ZBTB34: variants seen among roughly 807,000 people sequenced by gnomAD.
ZBTB34 encodes zinc finger and BTB domain-containing protein 34.
In ZBTB34, 1 loss-of-function variant was observed where a neutral mutation model predicts 33.4. The ratio of observed to expected loss-of-function variants is 0.03; its 90% CI spans 0.01 to 0.14. ZBTB34 has a LOEUF of 0.14. ZBTB34 is among the 10% of genes least tolerant of loss of function. The pLI, the probability that ZBTB34 is intolerant of heterozygous loss-of-function variation, is 1.00. For missense variants in ZBTB34, 406 were observed against 657.2 expected, an observed-to-expected ratio of 0.62 and a Z score of 4.18; for synonymous variants, 283 against 253.5, an observed-to-expected ratio of 1.12 and a Z score of -1.11.
chr9:126,881,296 C>T (rs990726653), exon 2 of ZBTB34: 6 of 174,042 alleles, frequency 3.4e-5, no homozygotes, highest in East Asian at 3.6e-4. Context: ...ATTAGGATGC[C>T]GTCAGCTGAT....
chr9:126,862,149 C>G (rs574345498), intron 1 of ZBTB34, among the ~76,000 whole-genome samples: 1 of 151,992 alleles, frequency 6.6e-6, no homozygotes, highest in South Asian at 2.1e-4. Flanking sequence ...GGATTTGAGC[C>G]GGGTGTTAAA....
rs1418274241 is a variant in ZBTB34 at position 126,880,334 on chromosome 9, C to G, written c.935C>G (p.Ser312Cys). ...GGAAGTTTGAGTAATTCCAGCCCAT[C>G]CAGGTCCATGCTGAGCTGTTTCCGA... The change falls in exon 2 of 2, where the codon TCC becomes TGC. Residue 312 changes from serine to cysteine, a missense_variant. Ser to Cys is a moderately radical substitution (Grantham distance 112). This residue lies in a region of ZBTB34 where 123 missense variants were observed against 140.4 expected (regional missense o/e 0.88). Transcript: ENST00000319119. This position sits in a 1 kb window ranked among gnomAD's most constrained non-coding sequence, Gnocchi z 6.7. The G allele has an allele frequency of 4.3e-6, 7 of 1,613,992 alleles. No individual in the cohort carries two copies. The South Asian group carries it at 5.5e-5, about 13-fold the overall frequency.
At chr9:126,875,109 G>C (rs1034465295) in intron 1 of ZBTB34, among the ~76,000 whole-genome samples, 1 of 152,206 alleles carries the variant, frequency 6.6e-6, no homozygotes, top group African/African-American at 2.4e-5. Flanking sequence ...TTGAGCGCAT[G>C]GAATGTGGTT....
intron 1 of ZBTB34, among the ~76,000 whole-genome samples, chr9:126,870,898 G>A (rs1167457515): frequency 6.6e-6 from 1 of 151,862 alleles, no homozygotes; most frequent in African/African-American, 2.4e-5. Context: ...CTGCACTCCA[G>A]CCTGGGCCAC....
chr9:126,872,284 G>A (rs890182537), intron 1 of ZBTB34, among the ~76,000 whole-genome samples: 2 of 152,202 alleles, frequency 1.3e-5, no homozygotes, highest in Admixed American at 6.5e-5. Context: ...GGGCACGGTG[G>A]TGCGTGCCTA....
At chr9:126,872,088 A>T (rs2033287223) in intron 1 of ZBTB34, among the ~76,000 whole-genome samples, 1 of 151,922 alleles carries the variant, frequency 6.6e-6, no homozygotes. Flanking sequence ...CTGGGATTAC[A>T]GACGCCTGCT....
chr9:126,874,347 G>T (rs1298324939), intron 1 of ZBTB34, among the ~76,000 whole-genome samples: 2 of 152,044 alleles, frequency 1.3e-5, no homozygotes, highest in Non-Finnish European at 2.9e-5. Flanking sequence ...ACCACGCCCG[G>T]CCTCTGCTAT....
At chr9:126,875,783 CT>C (rs1419877276) in intron 1 of ZBTB34, among the ~76,000 whole-genome samples, 2 of 152,028 alleles carry the variant, frequency 1.3e-5, no homozygotes, top group Non-Finnish European at 2.9e-5. Flanking sequence ...GGCTACTTGC[CT>C]TAATGTTACT....
intron 1 of ZBTB34, among the ~76,000 whole-genome samples, chr9:126,878,434 C>T (rs1382385927): frequency 6.6e-6 from 1 of 151,322 alleles, no homozygotes; most frequent in Non-Finnish European, 1.5e-5. Context: ...CACGCCACTG[C>T]ACTCCAGCCT....
intron 1 of ZBTB34, chr9:126,863,800 G>A (rs1335161783): frequency 1.3e-6 from 1 of 748,738 alleles, no homozygotes; most frequent in Non-Finnish European, 1.6e-6. Flanking sequence ...CCAGCAGTAA[G>A]CAGATAAGAT....
exon 2 of ZBTB34, chr9:126,885,068 T>C (rs965093223): frequency 6.0e-6 from 1 of 167,132 alleles, no homozygotes; most frequent in Non-Finnish European, 1.5e-5. Context: ...TTCATATTAC[T>C]CAGTGCAACT....
chr9:126,866,157 A>G lies in ZBTB34; in HGVS notation c.-11+5418A>G, dbSNP rs959796033. Among the ~76,000 whole-genome samples the G allele has an allele frequency of 4.7e-5, 7 of 150,106 alleles. 1 individual carries two copies. Among genetic ancestry groups the G allele is most frequent in the Admixed American group, 3.3e-4 (5 of 15,114 alleles). On this transcript the variant is annotated intron_variant, in intron 1 of 1. Coordinates refer to ENST00000319119, the Ensembl canonical transcript of ZBTB34. ...TTCCCTCCCCGAGTAACCTCATTTTACCAAAACGATCCTCAGTCAGTACAC... is the reference window on the plus strand; with the variant it reads ...TTCCCTCCCCGAGTAACCTCATTTTGCCAAAACGATCCTCAGTCAGTACAC...
At chr9:126,876,889 G>A (rs570322797) in intron 1 of ZBTB34, among the ~76,000 whole-genome samples, 32 of 152,192 alleles carry the variant, frequency 2.1e-4, no homozygotes, top group African/African-American at 7.7e-4. Context: ...CTCAAATTTC[G>A]ATGTGATAAA....
rs1430085033 is a variant in ZBTB34, at chr9:126,880,903, G to A, written c.1504G>A (p.Ala502Thr). Residue 502 changes from alanine to threonine, a missense_variant, in exon 2 of 2, where the codon GCT (alanine) becomes ACT (threonine). Physicochemically the swap from Ala to Thr is moderately conservative, Grantham distance 58 (BLOSUM62 0). Transcript: ENST00000319119. This position sits in a 1 kb window ranked among gnomAD's most constrained non-coding sequence, Gnocchi z 6.7. ...GATGGAAATTCACACAGTGTCTGAT[G>A]CTCCCGATTAAGATGGTAAAGAAGT... 1.2e-6 allele frequency: 2 copies of A among 1,608,934 alleles called. No homozygotes were observed. Among genetic ancestry groups the A allele is most frequent in the Middle Eastern group, 1.7e-4 (1 of 6,022 alleles).
exon 2 of ZBTB34, chr9:126,884,252 C>T (rs1257262646): frequency 6.0e-6 from 1 of 166,986 alleles, no homozygotes; most frequent in Non-Finnish European, 1.5e-5. Flanking sequence ...ACTGTGAAGA[C>T]AAAGAATTTT....
chr9:126,880,332 A>G lies in ZBTB34; in HGVS notation c.933A>G (p.Pro311=). 3 of 1,613,974 alleles carry G rather than the reference A, an allele frequency of 1.9e-6. No homozygotes were observed. Among genetic ancestry groups the G allele is most frequent in the Non-Finnish European group, 1.7e-6 (2 of 1,179,898 alleles). ...TTGGAAGTTTGAGTAATTCCAGCCC[A>G]TCCAGGTCCATGCTGAGCTGTTTCC... is the stretch of plus-strand genomic sequence containing the variant. The change falls in exon 2 of 2, where the codon CCA becomes CCG. Residue 311 remains proline (P), a synonymous_variant. Coordinates refer to ENST00000319119, the Ensembl canonical transcript of ZBTB34. This position sits in a 1 kb window ranked among gnomAD's most constrained non-coding sequence, Gnocchi z 6.7.
In ZBTB34 at chr9:126,867,150, G is replaced by A. The variant is rs531268946; in HGVS notation, c.-11+6411G>A. 2.9e-5 allele frequency among the ~76,000 whole-genome samples: 4 copies of A among 138,384 alleles called. No individual in the cohort carries two copies. The East Asian group carries it at 6.4e-4, about 22-fold the overall frequency. The allele number at this position is 138,384 out of a possible 152,430, so 90.8% of individuals were successfully genotyped here. A position where few individuals can be genotyped will look rare whatever the true frequency, so the allele number is the denominator to read the frequency against. The stretch of plus-strand genomic sequence containing the variant: ...CCTTTTTTTTTTTTTTTTTGCTATA[G>A]CAAAGAAAAATTCTTAGTGGTTGTT... On this transcript the variant is annotated intron_variant, in intron 1 of 1. Coordinates refer to ENST00000319119, the Ensembl canonical transcript of ZBTB34.
At chr9:126,868,028 G>A (rs1425045843) in intron 1 of ZBTB34, among the ~76,000 whole-genome samples, 1 of 152,152 alleles carries the variant, frequency 6.6e-6, no homozygotes, top group African/African-American at 2.4e-5. Context: ...GGAGCTGAAT[G>A]GAAGAGCAGG....
At chr9:126,871,804 G>A (rs1028826402) in intron 1 of ZBTB34, among the ~76,000 whole-genome samples, 1 of 151,976 alleles carries the variant, frequency 6.6e-6, no homozygotes, top group Non-Finnish European at 1.5e-5. Context: ...TGCATATATT[G>A]TATTTTAAAG....
Sources: gnomAD v4.1 joint callset for allele counts (sites outside exome capture counted in the v4.1 genomes callset) on GRCh38, gnomAD v4.1.1 for gene constraint, gnomAD v4.1.1 regional missense constraint, Gnocchi (gnomAD v3.1) non-coding constraint, MANE v1.5 for transcripts, NCBI Gene and HGNC (gene_info 2026-07-23, HGNC 2026-07-21) for gene names.